Variants in MYOM3 observed in about 807,000 individuals in gnomAD.
MYOM3 encodes myomesin 3, also known as myomesin-3.
A neutral mutation model predicts 191.7 loss-of-function variants in MYOM3; 155 were observed. The ratio of observed to expected loss-of-function variants is 0.81; its 90% confidence interval spans 0.71 to 0.92. MYOM3 has a LOEUF of 0.92. Among genes scored for constraint, MYOM3 ranks in the 40% least tolerant of loss-of-function variants. MYOM3 has a pLI of 0.00. For missense variants in MYOM3, 1,889 were observed against 1,890.6 expected, an observed-to-expected ratio of 1.00 and a Z score of 0.02; for synonymous variants, 757 against 762.9, an observed-to-expected ratio of 0.99 and a Z score of 0.13.
Position 24,063,282 on chromosome 1 carries a change from CA to C in MYOM3, c.3662-49del, listed in dbSNP as rs1304065546. The C allele has an allele frequency of 1.3e-6, 2 of 1,546,910 alleles. No individual in the cohort carries two copies. Among genetic ancestry groups the C allele is most frequent in the Non-Finnish European group, 1.8e-6 (2 of 1,120,362 alleles). On this transcript the variant is annotated intron_variant, in intron 31 of 36. Coordinates refer to ENST00000374434, the MANE Select transcript of MYOM3 (RefSeq NM_152372.4). The surrounding 1 kb of genome is among the most constrained non-coding windows in gnomAD (Gnocchi z 4.5). ...TGAATCTTCCCTGAGGCCATTTAGG[CA>C]TCAGATTTTGGGGCCGGCTTGTCTG...
intron 15 of MYOM3, among the ~76,000 whole-genome samples, chr1:24,085,474 C>T (rs1232164746): frequency 1.3e-5 from 2 of 152,214 alleles, no homozygotes; most frequent in African/African-American, 2.4e-5. Context: ...ACTCCTTACA[C>T]ATCCTTTGGT....
In MYOM3 at chr1:24,090,952, G is replaced by A. The variant is rs369391129; in HGVS notation, c.1277C>T (p.Pro426Leu). The change falls in exon 12 of 37, where the codon CCC becomes CTC. Residue 426 changes from proline to leucine, a missense_variant. Coordinates refer to ENST00000374434, the MANE Select transcript of MYOM3 (RefSeq NM_152372.4). ...SGEWIACHEA[P>L]GGTCRCPIQG... Reference sequence around the variant, plus strand: ...GATTGGGCACCGACAAGTCCCTCCGGGGGCCTCATGGCAGGCGATCCATTC... The same window carrying A: ...GATTGGGCACCGACAAGTCCCTCCGAGGGCCTCATGGCAGGCGATCCATTC... The A allele has an allele frequency of 1.1e-5, 17 of 1,613,938 alleles. No individual in the cohort carries two copies. The African/African-American group carries it at 1.9e-4, about 18-fold the overall frequency.
At chr1:24,081,850 G>A in intron 18 of MYOM3, 151 bp downstream of exon 18, 1 of 759,012 alleles carries the variant, frequency 1.3e-6, no homozygotes, top group Non-Finnish European at 2.1e-6. Context: ...TTCTGTTCAA[G>A]GTGGGTCTGC....
At chr1:24,064,236 G>T (rs1390129790) in intron 29 of MYOM3, 77 bp from the exon 30 acceptor site, 3 of 1,176,242 alleles carry the variant, frequency 2.6e-6, no homozygotes, top group Non-Finnish European at 2.5e-6. Context: ...CGGAGGCCTG[G>T]GCTCCAGGCC....
intron 14 of MYOM3, 103 bp from the exon 15 acceptor site, chr1:24,086,930 T>C (rs1643757469): frequency 8.1e-7 from 1 of 1,240,316 alleles, no homozygotes; most frequent in Non-Finnish European, 1.1e-6. Context: ...GCTCTCATGA[T>C]CCTCTATACT....
intron 9 of MYOM3, 33 bp downstream of exon 9, chr1:24,094,820 T>C (rs1182402418): frequency 7.5e-6 from 12 of 1,591,360 alleles, no homozygotes; most frequent in Non-Finnish European, 1.0e-5. Context: ...GGGCCAGCTC[T>C]GGAGGCTGGG....
chr1:24,058,472 T>A (rs1643329671), intron 36 of MYOM3, among the ~76,000 whole-genome samples: 1 of 152,108 alleles, frequency 6.6e-6, no homozygotes, highest in East Asian at 1.9e-4. Context: ...TGATTAGTAA[T>A]AAATAAAACC....
In MYOM3 at chr1:24,108,556, C is replaced by T. The variant is rs560378195; in HGVS notation, c.81G>A (p.Arg27=). The change falls in exon 2 of 37, where the codon CGG becomes CGA. Residue 27 remains arginine, a synonymous_variant. Coordinates refer to ENST00000374434, the MANE Select transcript of MYOM3 (RefSeq NM_152372.4). ...QAMEVHRLEH[R]QEEEQKEERQ... Reference sequence around the variant, plus strand: ...GCTCCTCCTTCTGCTCCTCCTCCTGCCGGTGCTCCAGCCTGTGAACCTCCA... The same window carrying T: ...GCTCCTCCTTCTGCTCCTCCTCCTGTCGGTGCTCCAGCCTGTGAACCTCCA... 2.0e-5 allele frequency: 32 copies of T among 1,579,762 alleles called. No homozygotes were observed. The South Asian group carries it at 2.1e-4, about 10-fold the overall frequency.
intron 35 of MYOM3, among the ~76,000 whole-genome samples, chr1:24,060,187 C>T (rs962583713): frequency 5.9e-5 from 9 of 152,142 alleles, no homozygotes; most frequent in South Asian, 2.1e-4. Flanking sequence ...AGAGCCTCCT[C>T]GTGGCCTGAG....
chr1:24,105,831 C>G, intron 5 of MYOM3, 89 bp downstream of exon 5: 1 of 1,337,952 alleles, frequency 7.5e-7, no homozygotes, highest in Admixed American at 2.1e-5. Flanking sequence ...CACAGGTCTG[C>G]AACAAGAAGT....
chr1:24,070,466 T>C, intron 25 of MYOM3, among the ~76,000 whole-genome samples: 1 of 151,330 alleles, frequency 6.6e-6, no homozygotes, highest in Non-Finnish European at 1.5e-5. Context: ...TGTGTGACTG[T>C]GGTCCCAACT....
chr1:24,105,861 G>T (rs1037341414), intron 5 of MYOM3, 59 bp downstream of exon 5: 2 of 1,490,726 alleles, frequency 1.3e-6, no homozygotes, highest in Non-Finnish European at 1.8e-6. Flanking sequence ...AGTATTGGAT[G>T]TGAGGAACTC....
chr1:24,090,950 C>CG lies in MYOM3; in HGVS notation c.1278dup (p.Gly427ArgfsTer43), dbSNP rs751721186. Reference sequence around the variant, plus strand: ...TGGATTGGGCACCGACAAGTCCCTCCGGGGGCCTCATGGCAGGCGATCCAT... The same window carrying CG: ...TGGATTGGGCACCGACAAGTCCCTCCGGGGGGCCTCATGGCAGGCGATCCAT... On this transcript the variant is annotated frameshift_variant, in exon 12 of 37. Transcript: ENST00000374434. LOFTEE classifies it high-confidence loss of function. 98 of 1,613,974 alleles carry CG rather than the reference C, an allele frequency of 6.1e-5. No homozygotes were observed. The highest frequency in any genetic ancestry group is 1.7e-5 in the Admixed American group (1 of 59,990).
chr1:24,089,557 A>G lies in MYOM3; in HGVS notation c.1595T>C (p.Leu532Pro), dbSNP rs375538500. 9 of 1,602,478 alleles carry G rather than the reference A, an allele frequency of 5.6e-6. No homozygotes were observed. Among genetic ancestry groups the G allele is most frequent in the African/African-American group, 1.3e-5 (1 of 74,712 alleles). ...CCCTACCTTCTCCAGGGAGTACGTCAGTGGTGCTCTGTCCCGGGGGCTGGG... is the reference window on the plus strand; with the variant it reads ...CCCTACCTTCTCCAGGGAGTACGTCGGTGGTGCTCTGTCCCGGGGGCTGGG... ...EEPSPRDRAP[L>P]TYSLEKSVIG... The change falls in exon 14 of 37, where the codon CTG (leucine) becomes CCG (proline). Residue 532 changes from leucine (L) to proline (P), a missense_variant. Physicochemically the swap from Leu to Pro is moderately conservative, Grantham distance 98 (BLOSUM62 -3). Coordinates refer to ENST00000374434, the MANE Select transcript of MYOM3 (RefSeq NM_152372.4).
intron 20 of MYOM3, among the ~76,000 whole-genome samples, chr1:24,076,524 T>TCACTCTTG (rs1643602621): frequency 1.8e-5 from 1 of 56,742 alleles, no homozygotes; most frequent in African/African-American, 5.4e-5. Context: ...TTTTTTTTTT[T>TCACTCTTG]TTTTTTTGAG....
Position 24,074,190 on chromosome 1 carries a change from T to C in MYOM3, c.2938A>G (p.Ile980Val), listed in dbSNP as rs1643568736. ...TCGGTTAGCGTGTGGCTTGCGGAGA[T>C]GTCTTCATCGGCATCAGTGACTATG... ...SVIVTDADED[I>V]SASHTLTEEE... Residue 980 changes from isoleucine to valine, a missense_variant, in exon 23 of 37, where the codon ATC becomes GTC. By Grantham distance (29) the Ile-to-Val change is conservative (BLOSUM62 3). Transcript: ENST00000374434. The C allele has an allele frequency of 6.2e-7, 1 of 1,613,912 alleles. No homozygotes were observed. Among genetic ancestry groups the C allele is most frequent in the Non-Finnish European group, 8.5e-7 (1 of 1,179,938 alleles).
intron 16 of MYOM3, chr1:24,083,532 T>A (rs891618807): frequency 6.6e-6 from 1 of 152,228 alleles, no homozygotes; most frequent in East Asian, 1.9e-4. Flanking sequence ...ATTGTGTGAG[T>A]CAATAGTCCT....
Position 24,064,088 on chromosome 1 carries a change from C to G in MYOM3, c.3606G>C (p.Leu1202Phe), listed in dbSNP as rs200352033. 3.1e-5 allele frequency: 50 copies of G among 1,614,058 alleles called. No homozygotes were observed. The East Asian group carries it at 4.0e-4, about 13-fold the overall frequency. ...AGCTCCTACCGTCACCCGTGAGGTC[C>G]AATATGGTGTCGTCCTCCCCTCGAT... ...SDDRGEDDTI[L>F]DLTGDALDAI... is the part of the protein sequence containing the mutation. Residue 1202 changes from leucine to phenylalanine, a missense_variant, in exon 30 of 37, where the codon TTG (leucine) becomes TTC (phenylalanine). Physicochemically the swap from Leu to Phe is conservative, Grantham distance 22 (BLOSUM62 0). Transcript: ENST00000374434.
intron 1 of MYOM3, 40 bp from the exon 2 acceptor site, chr1:24,108,694 C>T (rs1025928610): frequency 4.1e-6 from 6 of 1,446,618 alleles, no homozygotes; most frequent in African/African-American, 3.0e-5. Flanking sequence ...ACCAGGTGCC[C>T]GCCTATCCCC....
Sources: allele counts gnomAD v4.1 joint callset (sites outside exome capture counted in the v4.1 genomes callset), GRCh38; gene constraint gnomAD v4.1.1; non-coding constraint Gnocchi (gnomAD v3.1); transcripts MANE v1.5; gene names NCBI Gene and HGNC (gene_info 2026-07-23, HGNC 2026-07-21).